The following EXOSC10 variants were observed in gnomAD, a reference collection of about 807,000 sequenced individuals.
EXOSC10 encodes the protein exosome complex component 10.
A neutral mutation model predicts 126.6 loss-of-function variants in EXOSC10; 94 were observed. That is an observed-to-expected ratio of 0.74 (90% CI 0.63 to 0.88). The LOEUF (loss-of-function observed/expected upper bound fraction) is 0.88, where lower values mean the gene tolerates loss of function less well. EXOSC10 is among the 40% of genes least tolerant of loss of function. EXOSC10 has a pLI of 0.00. For synonymous variants in EXOSC10, 395 were observed against 400.8 expected (o/e 0.99, Z 0.17); for missense variants, 1,041 against 1,100.5 (o/e 0.95, Z 0.77).
chr1:11,068,482 T>G (rs111846435), intron 23 of EXOSC10, 163 bp downstream of exon 23: 10 of 634,816 alleles, frequency 1.6e-5, no homozygotes, highest in African/African-American at 3.7e-5. Context: ...TTTTATGAGT[T>G]GCTGGGGTAG....
rs182492500 is a variant in EXOSC10, at chr1:11,082,024, G to A, written c.1280+664C>T. On this transcript the variant is annotated intron_variant, in intron 10 of 24. Coordinates refer to ENST00000376936, the MANE Select transcript of EXOSC10 (RefSeq NM_001001998.3). ...TTGAACCCGGGAGGCAGAGGTTGTGGTGAGCCGAGATCGCGCCATTGCACT... is the reference window on the plus strand; with the variant it reads ...TTGAACCCGGGAGGCAGAGGTTGTGATGAGCCGAGATCGCGCCATTGCACT... Among the ~76,000 whole-genome samples the A allele has an allele frequency of 3.7e-3, 558 of 151,372 alleles. 9 individuals carry two copies. Among genetic ancestry groups the A allele is most frequent in the African/African-American group, 0.013 (529 of 41,178 alleles).
intron 3 of EXOSC10, chr1:11,095,490 G>A (rs1641027115): frequency 3.7e-6 from 1 of 268,300 alleles, no homozygotes; most frequent in African/African-American, 2.2e-5. Context: ...GAGGCGGGCG[G>A]ATCACAAGGT....
chr1:11,071,850 C>T (rs139644621), intron 20 of EXOSC10: 4 of 439,140 alleles, frequency 9.1e-6, no homozygotes, highest in Non-Finnish European at 1.6e-5. Context: ...ATTCATTAGA[C>T]TGCCTTCTCC....
At chr1:11,088,085 T>C in intron 7 of EXOSC10, 38 bp downstream of exon 7, 1 of 1,519,700 alleles carries the variant, frequency 6.6e-7, no homozygotes, top group Non-Finnish European at 9.1e-7. Flanking sequence ...CCTCTTGGGC[T>C]ACTACACGGC....
chr1:11,071,870 C>A, intron 20 of EXOSC10: 2 of 350,726 alleles, frequency 5.7e-6, no homozygotes, highest in South Asian at 7.4e-5. Context: ...CAACCACCAA[C>A]GAGACAGCTA....
At chr1:11,096,685 C>T (rs1214923553) in intron 2 of EXOSC10, among the ~76,000 whole-genome samples, 1 of 151,170 alleles carries the variant, frequency 6.6e-6, no homozygotes, top group Non-Finnish European at 1.5e-5. Context: ...CCCTACGTTG[C>T]CCAGGCTGGT....
At chr1:11,078,394 A>T (rs1305251350) in intron 14 of EXOSC10, among the ~76,000 whole-genome samples, 1 of 151,190 alleles carries the variant, frequency 6.6e-6, no homozygotes, top group Non-Finnish European at 1.5e-5. Context: ...AGTAGCTGGG[A>T]CTACAGGCGC....
intron 9 of EXOSC10, among the ~76,000 whole-genome samples, chr1:11,085,559 T>A (rs1490524196): frequency 6.6e-6 from 1 of 152,222 alleles, no homozygotes; most frequent in Non-Finnish European, 1.5e-5. Flanking sequence ...AATCATGTCA[T>A]CTGCAAACAG....
intron 6 of EXOSC10, among the ~76,000 whole-genome samples, chr1:11,090,244 G>T (rs548482844): frequency 1.3e-5 from 2 of 151,926 alleles, no homozygotes; most frequent in Admixed American, 1.3e-4. Context: ...GTGATCCACC[G>T]GTCTCAGCCT....
intron 13 of EXOSC10, 30 bp downstream of exon 13, chr1:11,080,469 C>A: frequency 6.2e-7 from 1 of 1,612,432 alleles, no homozygotes. Flanking sequence ...CTGAGAAAGT[C>A]AGAACATATT....
intron 3 of EXOSC10, chr1:11,095,509 C>G: frequency 3.3e-6 from 1 of 300,590 alleles, no homozygotes; most frequent in Non-Finnish European, 6.6e-6. Flanking sequence ...GTCAGGAGAT[C>G]GAGACCATCC....
chr1:11,069,433 A>C, intron 22 of EXOSC10, 126 bp downstream of exon 22: 1 of 1,156,250 alleles, frequency 8.6e-7, no homozygotes, highest in African/African-American at 1.5e-5. Context: ...GGACTACTCC[A>C]ACAATTCCTG....
At chr1:11,083,528 C>A (rs1271166664) in intron 9 of EXOSC10, among the ~76,000 whole-genome samples, 4 of 123,506 alleles carry the variant, frequency 3.2e-5, no homozygotes, top group Non-Finnish European at 6.2e-5. Flanking sequence ...TACCATTGTA[C>A]TCCAGCCTGG....
At chr1:11,089,407 C>T (rs943464478) in intron 6 of EXOSC10, among the ~76,000 whole-genome samples, 1 of 149,918 alleles carries the variant, frequency 6.7e-6, no homozygotes, top group African/African-American at 2.5e-5. Flanking sequence ...GTCAGGAGTT[C>T]GAGACCAGCC....
At chr1:11,091,245 A>G (rs1640789357) in intron 4 of EXOSC10, 66 bp from the exon 5 acceptor site, 1 of 1,470,468 alleles carries the variant, frequency 6.8e-7, no homozygotes, top group South Asian at 1.3e-5. Flanking sequence ...GTAAATTCCA[A>G]TTTATGACTT....
chr1:11,087,683 G>T, intron 8 of EXOSC10, 92 bp from the exon 9 acceptor site: 2 of 1,524,582 alleles, frequency 1.3e-6, no homozygotes, highest in Non-Finnish European at 1.8e-6. Context: ...ACAAAGCTAA[G>T]TTATATGATT....
rs750820828 is a variant in EXOSC10 at position 11,087,913 on chromosome 1, G to A, written c.835-3C>T. The stretch of plus-strand genomic sequence containing the variant: ...GTCTCTTCTATAGGTCTGTATAACT[G>A]GATCAAGAGAATAGTAAGAAAAAGG... On this transcript the variant is annotated splice_region_variant and splice_polypyrimidine_tract_variant and intron_variant, in intron 7 of 24. Coordinates refer to ENST00000376936, the MANE Select transcript of EXOSC10 (RefSeq NM_001001998.3). 3 of 1,546,164 alleles carry A rather than the reference G, an allele frequency of 1.9e-6. No individual in the cohort carries two copies. The highest frequency in any genetic ancestry group is 2.7e-6 in the Non-Finnish European group (3 of 1,122,490).
At chr1:11,080,581 C>G in intron 12 of EXOSC10, 32 bp from the exon 13 acceptor site, 4 of 1,595,922 alleles carry the variant, frequency 2.5e-6, no homozygotes, top group Non-Finnish European at 1.7e-6. Context: ...CACACACACA[C>G]ACACACACAC....
In EXOSC10 at chr1:11,070,265, T is replaced by TAAA. The variant is rs35601923; in HGVS notation, c.2317-538_2317-536dup. Among the ~76,000 whole-genome samples, 361 of 100,550 alleles carry TAAA rather than the reference T, an allele frequency of 3.6e-3. 11 individuals carry two copies. Among genetic ancestry groups the TAAA allele is most frequent in the South Asian group, 0.021 (62 of 2,936 alleles). 66.0% of individuals were successfully genotyped at this position (100,550 alleles called of 152,430 possible). ...CACTATTTTTTTTTTAAAAGGAAATTAAAAAAAAAAAAAAAAAAAAGGAAA... is the reference window on the plus strand; with the variant it reads ...CACTATTTTTTTTTTAAAAGGAAATTAAAAAAAAAAAAAAAAAAAAAAAGGAAA... On this transcript the variant is annotated intron_variant, in intron 21 of 24. Transcript: ENST00000376936.
Sources: gnomAD v4.1 joint callset for allele counts (sites outside exome capture counted in the v4.1 genomes callset) on GRCh38, gnomAD v4.1.1 for gene constraint, MANE v1.5 for transcripts, NCBI Gene and HGNC (gene_info 2026-07-23, HGNC 2026-07-21) for gene names.